The following TACR3 variants were observed in gnomAD, a reference collection of about 807,000 sequenced individuals.
TACR3 encodes the protein tachykinin receptor 3, also known as neuromedin-K receptor.
A neutral mutation model predicts 35.0 loss-of-function variants in TACR3; 34 were observed. The ratio of observed to expected loss-of-function variants is 0.97; its 90% confidence interval spans 0.74 to 1.30. The LOEUF (loss-of-function observed/expected upper bound fraction) is 1.30. Among genes scored for constraint, TACR3 ranks in the 50% most tolerant of loss-of-function variants. TACR3 has a pLI of 0.00. For synonymous variants in TACR3, 233 were observed against 221.1 expected, an observed-to-expected ratio of 1.05 and a Z score of -0.48; for missense variants, 558 against 591.7, an observed-to-expected ratio of 0.94 and a Z score of 0.59.
intron 3 of TACR3, among the ~76,000 whole-genome samples, chr4:103,631,092 C>A (rs546730254): frequency 1.3e-5 from 2 of 152,092 alleles, no homozygotes; most frequent in Non-Finnish European, 2.9e-5. Context: ...AAACCAAACA[C>A]GGCATGTTCT....
At chr4:103,694,804 G>C (rs988128815) in intron 1 of TACR3, among the ~76,000 whole-genome samples, 1 of 152,066 alleles carries the variant, frequency 6.6e-6, no homozygotes, top group African/African-American at 2.4e-5. Flanking sequence ...TTTAAGGCAT[G>C]TATTATTAAA....
chr4:103,695,451 T>A (rs756252754), intron 1 of TACR3, among the ~76,000 whole-genome samples: 1 of 152,166 alleles, frequency 6.6e-6, no homozygotes, highest in Non-Finnish European at 1.5e-5. Context: ...TAATGAATAG[T>A]ATATTTTCTC....
intron 1 of TACR3, among the ~76,000 whole-genome samples, chr4:103,709,356 A>T (rs1295247609): frequency 6.6e-6 from 1 of 152,232 alleles, no homozygotes; most frequent in Non-Finnish European, 1.5e-5. Context: ...AATATTCAAC[A>T]TTCTTAAAGA....
At chr4:103,713,763 C>A (rs1179477009) in intron 1 of TACR3, among the ~76,000 whole-genome samples, 1 of 151,962 alleles carries the variant, frequency 6.6e-6, no homozygotes, top group Non-Finnish European at 1.5e-5. Context: ...AAAACAGGCC[C>A]AGAACTTAGT....
intron 3 of TACR3, among the ~76,000 whole-genome samples, chr4:103,606,241 T>G (rs1292359818): frequency 1.3e-5 from 2 of 151,936 alleles, no homozygotes; most frequent in African/African-American, 4.8e-5. Flanking sequence ...TGTAGTATAG[T>G]TTGAAGTCAG....
chr4:103,708,659 T>C (rs980233668), intron 1 of TACR3, among the ~76,000 whole-genome samples: 2 of 152,198 alleles, frequency 1.3e-5, no homozygotes, highest in African/African-American at 2.4e-5. Flanking sequence ...GGATGGAGAA[T>C]GACTTTGACA....
chr4:103,614,614 G>C (rs1291510183), intron 3 of TACR3, among the ~76,000 whole-genome samples: 1 of 151,660 alleles, frequency 6.6e-6, no homozygotes, highest in Non-Finnish European at 1.5e-5. Flanking sequence ...ATTGGATATA[G>C]TAAGAATATT....
chr4:103,614,884 G>GTTTTTTGTTTTTTTTTTTT (rs1724601812), intron 3 of TACR3, among the ~76,000 whole-genome samples: 1 of 72,006 alleles, frequency 1.4e-5, no homozygotes, highest in Non-Finnish European at 2.6e-5. Context: ...TTATGAATGT[G>GTTTTTTGTTTTTTTTTTTT]TTTTTTTTTT....
At chr4:103,717,921 G>A (rs530984925) in intron 1 of TACR3, among the ~76,000 whole-genome samples, 2 of 151,962 alleles carry the variant, frequency 1.3e-5, no homozygotes, top group Non-Finnish European at 2.9e-5. Context: ...GATTTTAGAG[G>A]CTTTTTAAAA....
chr4:103,617,748 C>G (rs1724692823), intron 3 of TACR3, among the ~76,000 whole-genome samples: 1 of 151,972 alleles, frequency 6.6e-6, no homozygotes, highest in Admixed American at 6.6e-5. Context: ...GAAAAACAAG[C>G]AAGAAAATGT....
At chr4:103,637,361 A>C (rs1209059043) in intron 3 of TACR3, among the ~76,000 whole-genome samples, 1 of 152,224 alleles carries the variant, frequency 6.6e-6, no homozygotes, top group Admixed American at 6.5e-5. Flanking sequence ...CAATAGATGC[A>C]GGAAAGGCCT....
intron 1 of TACR3, among the ~76,000 whole-genome samples, chr4:103,670,781 C>A (rs1262227312): frequency 6.6e-6 from 1 of 151,906 alleles, no homozygotes; most frequent in Non-Finnish European, 1.5e-5. Context: ...AATTTGACTT[C>A]TTTCTAATTT....
intron 1 of TACR3, among the ~76,000 whole-genome samples, chr4:103,706,583 G>A (rs1029087230): frequency 9.9e-5 from 15 of 152,034 alleles, no homozygotes; most frequent in African/African-American, 3.6e-4. Context: ...TACTATACAT[G>A]AGTGCATAGG....
At chr4:103,628,734 T>C (rs1003595263) in intron 3 of TACR3, among the ~76,000 whole-genome samples, 1 of 152,186 alleles carries the variant, frequency 6.6e-6, no homozygotes, top group African/African-American at 2.4e-5. Context: ...GAGGAGCTGG[T>C]ACCATTCCTT....
chr4:103,687,867 T>C (rs1368700784), intron 1 of TACR3, among the ~76,000 whole-genome samples: 2 of 152,114 alleles, frequency 1.3e-5, no homozygotes, highest in Non-Finnish European at 2.9e-5. Context: ...AAGCTACCAA[T>C]GACTTTCTTC....
intron 1 of TACR3, among the ~76,000 whole-genome samples, chr4:103,698,693 C>T (rs1226626984): frequency 2.6e-5 from 4 of 151,932 alleles, no homozygotes; most frequent in African/African-American, 7.3e-5. Context: ...ATAATGAACT[C>T]ATACAGTCAA....
chr4:103,658,413 A>G lies in TACR3; in HGVS notation c.549-10T>C. 1 of 1,611,446 alleles carries G rather than the reference A, an allele frequency of 6.2e-7. No individual in the cohort carries two copies. Among genetic ancestry groups the G allele is most frequent in the South Asian group, 1.1e-5 (1 of 90,994 alleles). ...AATAATAGCCATATACCTATATAAA[A>G]ACAAACAAAACCATTTCATTGGTTT... On this transcript the variant is annotated splice_polypyrimidine_tract_variant and intron_variant, in intron 1 of 4. Transcript: ENST00000304883.
intron 1 of TACR3, among the ~76,000 whole-genome samples, chr4:103,701,889 A>G (rs990701734): frequency 2.0e-4 from 31 of 152,214 alleles, no homozygotes; most frequent in African/African-American, 7.5e-4. Context: ...CACCTTATAC[A>G]AAAATTAATT....
At chr4:103,680,494 T>TAC (rs957508252) in intron 1 of TACR3, among the ~76,000 whole-genome samples, 122 of 98,716 alleles carry the variant, frequency 1.2e-3, no homozygotes, top group Middle Eastern at 4.8e-3. Flanking sequence ...TATACATACA[T>TAC]ACACACACAC....
Sources: gnomAD v4.1 joint callset for allele counts (sites outside exome capture counted in the v4.1 genomes callset) on GRCh38, gnomAD v4.1.1 for gene constraint, MANE v1.5 for transcripts, NCBI Gene and HGNC (gene_info 2026-07-23, HGNC 2026-07-21) for gene names.